The following NRXN3 variants were observed in gnomAD, a reference collection of about 807,000 sequenced individuals.
The protein encoded by NRXN3 is neurexin 3.
Under a neutral mutation model 137.6 loss-of-function variants are expected in NRXN3, and 32 were observed. The observed-to-expected ratio is 0.23, with a 90% CI of 0.18 to 0.31. The LOEUF (loss-of-function observed/expected upper bound fraction) is 0.31. Among genes scored for constraint, NRXN3 ranks in the 10% least tolerant of loss-of-function variants. The probability of loss-of-function intolerance (pLI) is 1.00; values close to 1 mark genes in which losing one functional copy is unlikely to be tolerated. For missense variants in NRXN3, 1,574 were observed against 2,062.5 expected (o/e 0.76, Z 4.59); for synonymous variants, 798 against 784.5 (o/e 1.02, Z -0.29).
chr14:79,315,874 A>G (rs2088521158), intron 15 of NRXN3, among the ~76,000 whole-genome samples: 1 of 152,236 alleles, frequency 6.6e-6, no homozygotes, highest in South Asian at 2.1e-4. Context: ...ATTTCTTAAT[A>G]TGGACAATTA....
chr14:78,365,782 T>G (rs1399846175), intron 4 of NRXN3, among the ~76,000 whole-genome samples: 1 of 152,214 alleles, frequency 6.6e-6, no homozygotes, highest in African/African-American at 2.4e-5. Flanking sequence ...GTTTACTGAG[T>G]ATCTATTATA....
chr14:78,792,488 T>A (rs996565357), intron 8 of NRXN3, among the ~76,000 whole-genome samples: 1 of 152,046 alleles, frequency 6.6e-6, no homozygotes, highest in Non-Finnish European at 1.5e-5. Flanking sequence ...ATTAGATCCC[T>A]GAAAGAGAAA....
intron 2 of NRXN3, among the ~76,000 whole-genome samples, chr14:78,244,376 G>A (rs2067384413): frequency 6.6e-6 from 1 of 151,902 alleles, no homozygotes; most frequent in African/African-American, 2.4e-5. Context: ...GTTGCAGTGA[G>A]CTGAGAATGC....
intron 16 of NRXN3, among the ~76,000 whole-genome samples, chr14:79,613,298 G>A (rs1181554256): frequency 2.6e-5 from 4 of 152,196 alleles, no homozygotes; most frequent in Non-Finnish European, 5.9e-5. Context: ...GGGCATTTAT[G>A]CCACTATTTT....
chr14:79,056,388 C>T (rs943097381), intron 15 of NRXN3, among the ~76,000 whole-genome samples: 11 of 129,334 alleles, frequency 8.5e-5, no homozygotes, highest in African/African-American at 2.8e-4. Flanking sequence ...TGAATGTATC[C>T]GTGCATTTTT....
chr14:79,777,048 G>A (rs1326348309), intron 19 of NRXN3, among the ~76,000 whole-genome samples: 2 of 152,112 alleles, frequency 1.3e-5, no homozygotes, highest in Non-Finnish European at 2.9e-5. Context: ...TGTCAGGAAG[G>A]CAATGTAAGC....
At chr14:79,282,194 C>T (rs1459130616) in intron 15 of NRXN3, among the ~76,000 whole-genome samples, 1 of 151,118 alleles carries the variant, frequency 6.6e-6, no homozygotes, top group Non-Finnish European at 1.5e-5. Context: ...AACTTAGCTC[C>T]TAAGGGGGAG....
chr14:79,547,924 G>A (rs931317818), intron 16 of NRXN3, among the ~76,000 whole-genome samples: 19 of 152,138 alleles, frequency 1.2e-4, no homozygotes, highest in Non-Finnish European at 1.0e-4. Context: ...TTTGACTTAG[G>A]CAACTTTAAC....
rs559762529 is a variant in NRXN3 at position 79,801,036 on chromosome 14, G to A, written c.4015-4076G>A. On this transcript the variant is annotated intron_variant, in intron 19 of 20. Coordinates refer to ENST00000335750, the MANE Select transcript of NRXN3 (RefSeq NM_001330195.2). ...CATACTACACAGTGTTCTGTGGCAG[G>A]TGTGGCCAATGTTGCATGCCAGGTT... 1.1e-3 allele frequency among the ~76,000 whole-genome samples: 163 copies of A among 152,322 alleles called. 2 individuals carry two copies. The highest frequency in any genetic ancestry group is 1.7e-3 in the African/African-American group (70 of 41,568).
At chr14:79,383,964 A>G (rs1322654976) in intron 15 of NRXN3, among the ~76,000 whole-genome samples, 1 of 152,116 alleles carries the variant, frequency 6.6e-6, no homozygotes, top group Non-Finnish European at 1.5e-5. Flanking sequence ...TATTCAAATT[A>G]GGTCAGTGTT....
chr14:79,202,114 G>GGTT, intron 15 of NRXN3, among the ~76,000 whole-genome samples: 1 of 151,086 alleles, frequency 6.6e-6, no homozygotes, highest in South Asian at 2.1e-4. Context: ...GTTTTATTGA[G>GGTT]CTAGAGCTTG....
intron 15 of NRXN3, among the ~76,000 whole-genome samples, chr14:79,232,917 G>A (rs1234205314): frequency 6.6e-6 from 1 of 152,136 alleles, no homozygotes; most frequent in Non-Finnish European, 1.5e-5. Context: ...TGTCATACAT[G>A]CATGACTGTT....
intron 15 of NRXN3, among the ~76,000 whole-genome samples, chr14:79,226,814 C>CTTTTTTTTTTTTTTTTTTTT (rs3035642): frequency 2.0e-5 from 2 of 98,480 alleles, no homozygotes; most frequent in Non-Finnish European, 2.0e-5. Context: ...TCCTTTTTTT[C>CTTTTTTTTTTTTTTTTTTTT]TTTTTTTTTT....
At chr14:79,795,753 C>A (rs1019402448) in intron 19 of NRXN3, among the ~76,000 whole-genome samples, 6 of 151,946 alleles carry the variant, frequency 3.9e-5, no homozygotes, top group African/African-American at 1.5e-4. Context: ...GAAAAGATAG[C>A]CTTGTATTTC....
chr14:78,581,017 T>A (rs1435409039), intron 4 of NRXN3, among the ~76,000 whole-genome samples: 3 of 152,232 alleles, frequency 2.0e-5, no homozygotes, highest in Non-Finnish European at 4.4e-5. Context: ...ATCTACTATA[T>A]GCCAGGTACT....
In NRXN3 at chr14:79,778,275, G is replaced by A. The variant is rs535099000; in HGVS notation, c.4015-26837G>A. ...ACTAAAAATACAAAAAATTCACTGG[G>A]CATGGTGGTGCGCGCCTGTAATCCC... is the stretch of plus-strand genomic sequence containing the variant. On this transcript the variant is annotated intron_variant, in intron 19 of 20. Coordinates refer to ENST00000335750, the MANE Select transcript of NRXN3 (RefSeq NM_001330195.2). 3.9e-5 allele frequency among the ~76,000 whole-genome samples: 6 copies of A among 152,240 alleles called. No homozygotes were observed. In the South Asian group the frequency reaches 1.2e-3, roughly 32 times the overall value.
chr14:78,372,025 A>G (rs2086920262), intron 4 of NRXN3, among the ~76,000 whole-genome samples: 1 of 152,178 alleles, frequency 6.6e-6, no homozygotes, highest in Non-Finnish European at 1.5e-5. Context: ...TTAATATTGT[A>G]CACACAATGA....
chr14:79,643,240 T>C (rs1247524436), intron 16 of NRXN3, among the ~76,000 whole-genome samples: 1 of 135,668 alleles, frequency 7.4e-6, no homozygotes, highest in African/African-American at 2.5e-5. Context: ...AAAATATATA[T>C]CAAATTATGC....
intron 19 of NRXN3, among the ~76,000 whole-genome samples, chr14:79,703,561 C>T (rs1002829419): frequency 4.6e-5 from 7 of 152,012 alleles, no homozygotes; most frequent in East Asian, 1.9e-4. Flanking sequence ...CTCACAGTTC[C>T]GTATGCCTGG....
Sources: allele counts gnomAD v4.1 joint callset (sites outside exome capture counted in the v4.1 genomes callset), GRCh38; gene constraint gnomAD v4.1.1; transcripts MANE v1.5; gene names NCBI Gene and HGNC (gene_info 2026-07-23, HGNC 2026-07-21).